Variants in VWA8 observed in about 807,000 individuals in gnomAD.
VWA8 encodes the protein von Willebrand factor A domain-containing protein 8.
In VWA8, 221 loss-of-function variants were observed where a neutral mutation model predicts 241.5. The observed-to-expected ratio is 0.91, with a 90% CI of 0.82 to 1.02. The LOEUF (loss-of-function observed/expected upper bound fraction) is 1.02, where lower values mean the gene tolerates loss of function less well. Ranked by LOEUF, VWA8 falls within the 50% of genes least tolerant of loss-of-function variation. VWA8 has a pLI of 0.00. For missense variants in VWA8, 2,322 were observed against 2,328.7 expected (o/e 1.00, Z 0.06); for synonymous variants, 852 against 827.1 (o/e 1.03, Z -0.52).
At position 41,570,620 on chromosome 13, in the gene VWA8, T is replaced by C. The variant is rs2044294559; in HGVS notation, c.5457A>G (p.Glu1819=). 6.2e-7 allele frequency: 1 copy of C among 1,614,158 alleles called. No homozygotes were observed. The highest frequency in any genetic ancestry group is 1.3e-5 in the African/African-American group (1 of 74,950). ...CTATGACAAAGTACTCATCAGCTTCTTCTTTGACAATTTCCTTGATGGCAT... is the reference window on the plus strand; with the variant it reads ...CTATGACAAAGTACTCATCAGCTTCCTCTTTGACAATTTCCTTGATGGCAT... ...TEHAIKEIVK[E]EADEYFVIVL... is the part of the protein sequence containing the mutation. Residue 1819 remains glutamate, a synonymous_variant, in exon 44 of 45, where the codon GAA becomes GAG. Transcript: ENST00000379310.
At chr13:41,635,182 T>C (rs12856637) in intron 37 of VWA8, among the ~76,000 whole-genome samples, 3,351 of 152,268 alleles carry the variant, frequency 0.022, 36 homozygotes, top group Middle Eastern at 0.048. Flanking sequence ...CTACTATGAA[T>C]TTACTGGGGT....
chr13:41,570,282 T>A (rs2044291622), intron 44 of VWA8, among the ~76,000 whole-genome samples, 186 bp downstream of exon 44: 1 of 152,206 alleles, frequency 6.6e-6, no homozygotes, highest in Non-Finnish European at 1.5e-5. Flanking sequence ...TTATTGTTCA[T>A]CTAAACAAAA....
chr13:41,600,589 A>C (rs1485827003), intron 40 of VWA8, among the ~76,000 whole-genome samples: 1 of 152,134 alleles, frequency 6.6e-6, no homozygotes, highest in Non-Finnish European at 1.5e-5. Flanking sequence ...CCATATAAAC[A>C]TGAAACCCTA....
chr13:41,795,526 G>C (rs1215970474), intron 17 of VWA8, among the ~76,000 whole-genome samples: 1 of 152,114 alleles, frequency 6.6e-6, no homozygotes, highest in Non-Finnish European at 1.5e-5. Flanking sequence ...ATTCACAATA[G>C]CAAAGACATG....
At chr13:41,886,100 C>T in intron 7 of VWA8, 72 bp from the exon 8 acceptor site, 1 of 1,015,410 alleles carries the variant, frequency 9.8e-7, no homozygotes, top group Non-Finnish European at 1.4e-6. Context: ...ATATAAAATA[C>T]AGGGGCCAAT....
intron 12 of VWA8, among the ~76,000 whole-genome samples, chr13:41,846,000 A>G (rs931280245): frequency 6.6e-6 from 1 of 152,230 alleles, no homozygotes; most frequent in Non-Finnish European, 1.5e-5. Flanking sequence ...AATTAAAAAT[A>G]AATTAAATAT....
intron 37 of VWA8, among the ~76,000 whole-genome samples, chr13:41,631,561 A>G (rs565679744): frequency 6.6e-6 from 1 of 152,156 alleles, no homozygotes; most frequent in Non-Finnish European, 1.5e-5. Flanking sequence ...GCTGTCCAAA[A>G]TAAAATTATA....
chr13:41,681,615 C>T (rs1048222466), intron 35 of VWA8, among the ~76,000 whole-genome samples: 5 of 152,184 alleles, frequency 3.3e-5, no homozygotes, highest in Non-Finnish European at 7.3e-5. Context: ...TCTGACCATA[C>T]TGGTAATGAC....
chr13:41,589,970 T>C (rs2044443876), intron 41 of VWA8, among the ~76,000 whole-genome samples: 2 of 152,216 alleles, frequency 1.3e-5, no homozygotes, highest in South Asian at 4.1e-4. Flanking sequence ...CGGTGCACAT[T>C]AATACATTTG....
At chr13:41,668,084 C>G (rs766790833) in intron 37 of VWA8, among the ~76,000 whole-genome samples, 2 of 152,132 alleles carry the variant, frequency 1.3e-5, no homozygotes, top group Non-Finnish European at 2.9e-5. Context: ...CAAAGACAAA[C>G]AGAGTAGTGA....
intron 37 of VWA8, among the ~76,000 whole-genome samples, chr13:41,660,138 C>CAA (rs1033294988): frequency 1.3e-5 from 2 of 151,600 alleles, no homozygotes; most frequent in African/African-American, 4.9e-5. Flanking sequence ...TTTTCTGAGA[C>CAA]AGAGTCTCAC....
chr13:41,671,304 T>C (rs2045021736), intron 36 of VWA8, among the ~76,000 whole-genome samples, 157 bp from the exon 37 acceptor site: 1 of 152,188 alleles, frequency 6.6e-6, no homozygotes, highest in African/African-American at 2.4e-5. Context: ...AGGCAGGTTA[T>C]GAGGATACGC....
chr13:41,659,053 T>A (rs1041229844), intron 37 of VWA8, among the ~76,000 whole-genome samples: 1 of 152,244 alleles, frequency 6.6e-6, no homozygotes, highest in Non-Finnish European at 1.5e-5. Flanking sequence ...AAAACTTTTA[T>A]ATTATTTTTA....
intron 26 of VWA8, among the ~76,000 whole-genome samples, chr13:41,704,996 A>G (rs1347364960): frequency 1.3e-5 from 2 of 152,248 alleles, no homozygotes; most frequent in African/African-American, 4.8e-5. Context: ...TAATATTTCC[A>G]TATGCTTAAT....
chr13:41,568,984 T>A (rs1013506735), intron 44 of VWA8, among the ~76,000 whole-genome samples: 2 of 152,248 alleles, frequency 1.3e-5, no homozygotes, highest in African/African-American at 2.4e-5. Flanking sequence ...GATACTTTTT[T>A]AAATACTAAT....
chr13:41,735,693 C>A (rs1344606528), intron 21 of VWA8, among the ~76,000 whole-genome samples: 2 of 151,714 alleles, frequency 1.3e-5, no homozygotes, highest in South Asian at 2.1e-4. Context: ...AGTAAGTTAC[C>A]CTCATTATGT....
chr13:41,725,517 G>C (rs9590631), intron 24 of VWA8, among the ~76,000 whole-genome samples: 39,211 of 152,096 alleles, frequency 0.26, 5,924 homozygotes, highest in Non-Finnish European at 0.33. Context: ...GAGTGGGAAG[G>C]GTCACATATG....
At chr13:41,693,009 G>GTTATTT in intron 29 of VWA8, 37 bp from the exon 30 acceptor site, 1 of 1,057,784 alleles carries the variant, frequency 9.5e-7, no homozygotes, top group Non-Finnish European at 1.3e-6. Context: ...CTCAAGATTT[G>GTTATTT]TTCTTTTTTT....
At chr13:41,617,278 C>A (rs535157691) in intron 37 of VWA8, among the ~76,000 whole-genome samples, 35 of 152,172 alleles carry the variant, frequency 2.3e-4, no homozygotes, top group African/African-American at 8.4e-4. Flanking sequence ...GCCACCACGC[C>A]CAGCTAATTT....
Sources: allele counts gnomAD v4.1 joint callset (sites outside exome capture counted in the v4.1 genomes callset), GRCh38; gene constraint gnomAD v4.1.1; transcripts MANE v1.5; gene names NCBI Gene and HGNC (gene_info 2026-07-23, HGNC 2026-07-21).